Variants in DTNA observed in about 807,000 individuals in gnomAD.
DTNA encodes dystrophin-related protein 3.
A neutral mutation model predicts 100.7 loss-of-function variants in DTNA; 43 were observed. That is an observed-to-expected ratio of 0.43 (90% CI 0.33 to 0.55). The LOEUF is 0.55. DTNA is among the 20% of genes least tolerant of loss of function. The pLI, the probability that DTNA is intolerant of heterozygous loss-of-function variation, is 0.04. For missense variants in DTNA, 798 were observed against 953.9 expected (o/e 0.84, Z 2.15); for synonymous variants, 349 against 347.9 (o/e 1.00, Z -0.04).
At chr18:34,633,458 C>T (rs2058315712) in intron 1 of DTNA, among the ~76,000 whole-genome samples, 1 of 151,880 alleles carries the variant, frequency 6.6e-6, no homozygotes, top group African/African-American at 2.4e-5. Context: ...AGTAAGAAAG[C>T]CATAAGAAAA....
At chr18:34,771,327 A>G (rs1000852211) in intron 3 of DTNA, among the ~76,000 whole-genome samples, 18 of 151,896 alleles carry the variant, frequency 1.2e-4, no homozygotes, top group Non-Finnish European at 1.8e-4. Context: ...GTGATACCCC[A>G]TCTCTACTAA....
intron 1 of DTNA, among the ~76,000 whole-genome samples, chr18:34,517,875 A>G (rs2041804310): frequency 6.6e-6 from 1 of 152,010 alleles, no homozygotes; most frequent in South Asian, 2.1e-4. Flanking sequence ...AGTTTTTTCC[A>G]GTTTTTGAAT....
At chr18:34,792,388 A>G (rs536939968) in intron 3 of DTNA, among the ~76,000 whole-genome samples, 2 of 152,354 alleles carry the variant, frequency 1.3e-5, no homozygotes, top group East Asian at 3.9e-4. Context: ...ACCAAAAGTC[A>G]GAAACCATAG....
intron 1 of DTNA, among the ~76,000 whole-genome samples, chr18:34,636,233 C>A (rs538781333): frequency 6.6e-6 from 1 of 152,174 alleles, no homozygotes; most frequent in African/African-American, 2.4e-5. Context: ...GCAGCCTCCA[C>A]CTGCGGGGTT....
At chr18:34,815,885 T>G (rs2095585370) in intron 6 of DTNA, 24 bp from the exon 7 acceptor site, 2 of 1,599,780 alleles carry the variant, frequency 1.3e-6, no homozygotes, top group Non-Finnish European at 1.7e-6. Context: ...CTGTCCTAAA[T>G]TTATGGGGGG....
At chr18:34,539,141 T>C (rs1396169528) in intron 1 of DTNA, among the ~76,000 whole-genome samples, 1 of 152,004 alleles carries the variant, frequency 6.6e-6, no homozygotes. Context: ...AGAATATGCA[T>C]TGATGGTCCA....
intron 16 of DTNA, among the ~76,000 whole-genome samples, chr18:34,862,627 C>A (rs188290245): frequency 1.3e-5 from 2 of 151,768 alleles, no homozygotes; most frequent in African/African-American, 4.8e-5. Flanking sequence ...AGTGAGAAAC[C>A]ATCTCTTAAA....
At chr18:34,870,216 T>C (rs573504143) in intron 17 of DTNA, among the ~76,000 whole-genome samples, 7 of 152,292 alleles carry the variant, frequency 4.6e-5, no homozygotes, top group African/African-American at 1.7e-4. Flanking sequence ...GGAAAAAAAG[T>C]CAAGCATCAT....
At chr18:34,538,188 A>G (rs2043906605) in intron 1 of DTNA, among the ~76,000 whole-genome samples, 1 of 152,068 alleles carries the variant, frequency 6.6e-6, no homozygotes, top group Non-Finnish European at 1.5e-5. Context: ...ACAAAAAGAG[A>G]GCAGTTTTGC....
chr18:34,560,516 G>T (rs1293866438), intron 1 of DTNA, among the ~76,000 whole-genome samples: 1 of 152,114 alleles, frequency 6.6e-6, no homozygotes, highest in East Asian at 1.9e-4. Flanking sequence ...TTATTTTGAT[G>T]TTCATTGAGA....
chr18:34,500,520 A>G (rs1339572152), intron 1 of DTNA, among the ~76,000 whole-genome samples: 1 of 151,122 alleles, frequency 6.6e-6, no homozygotes, highest in African/African-American at 2.4e-5. Context: ...CTGGAGCGCA[A>G]TAGCACGATC....
chr18:34,635,544 A>G (rs1413580838), intron 1 of DTNA, among the ~76,000 whole-genome samples: 1 of 152,202 alleles, frequency 6.6e-6, no homozygotes, highest in African/African-American at 2.4e-5. Context: ...TGCATAATTT[A>G]TTACATTAAA....
chr18:34,533,431 C>G (rs2043356442), intron 1 of DTNA, among the ~76,000 whole-genome samples: 1 of 151,670 alleles, frequency 6.6e-6, no homozygotes, highest in African/African-American at 2.4e-5. Flanking sequence ...TTTAATGGCC[C>G]CAGTGTCTGA....
intron 1 of DTNA, among the ~76,000 whole-genome samples, chr18:34,695,117 C>G (rs1179941095): frequency 1.3e-5 from 2 of 152,168 alleles, no homozygotes; most frequent in African/African-American, 4.8e-5. Flanking sequence ...CCATTCTCTC[C>G]TGGATTCTCC....
At chr18:34,632,077 GT>G (rs2058142971) in intron 1 of DTNA, among the ~76,000 whole-genome samples, 1 of 151,950 alleles carries the variant, frequency 6.6e-6, no homozygotes, top group African/African-American at 2.4e-5. Flanking sequence ...ATTTATTTCT[GT>G]TTTTCTTTAA....
chr18:34,649,174 G>C (rs1270329443), intron 1 of DTNA, among the ~76,000 whole-genome samples: 2 of 152,048 alleles, frequency 1.3e-5, no homozygotes, highest in Non-Finnish European at 2.9e-5. Flanking sequence ...TCATTCTTGG[G>C]TTACAAACTT....
chr18:34,730,104 G>A (rs1393571584), intron 1 of DTNA, among the ~76,000 whole-genome samples: 5 of 152,184 alleles, frequency 3.3e-5, no homozygotes, highest in Non-Finnish European at 5.9e-5. Flanking sequence ...GAAGCCTACA[G>A]GATGTACGAG....
At chr18:34,583,614 G>T (rs114631846) in intron 1 of DTNA, among the ~76,000 whole-genome samples, 1,551 of 151,484 alleles carry the variant, frequency 0.01, 35 homozygotes, top group African/African-American at 0.036. Flanking sequence ...GAAATGGAAT[G>T]AATGAGTGGT....
In DTNA at chr18:34,766,106, G is replaced by C. The variant is rs544518238; in HGVS notation, c.148+65G>C. Reference sequence around the variant, plus strand: ...TCCTATAGTTTACATTTGGTACTAAGTTTATTAAACTAGATTCTGTTACAA... The same window carrying C: ...TCCTATAGTTTACATTTGGTACTAACTTTATTAAACTAGATTCTGTTACAA... On this transcript the variant is annotated intron_variant, in intron 3 of 22. Transcript: ENST00000444659. The C allele has an allele frequency of 1.8e-5, 28 of 1,543,744 alleles. No individual in the cohort carries two copies. The South Asian group carries it at 2.7e-4, about 15-fold the overall frequency.
Sources: allele counts gnomAD v4.1 joint callset (sites outside exome capture counted in the v4.1 genomes callset), GRCh38; gene constraint gnomAD v4.1.1; transcripts MANE v1.5; gene names NCBI Gene and HGNC (gene_info 2026-07-23, HGNC 2026-07-21).